GOLGA8S: variants seen among roughly 807,000 people sequenced by gnomAD.
GOLGA8S encodes the protein golgin A8 family member S, also known as golgin subfamily A member 8S.
GOLGA8S carries 23 observed loss-of-function variants against 58.9 expected under a neutral mutation model. The observed-to-expected ratio is 0.39, with a 90% confidence interval of 0.28 to 0.55. The LOEUF (loss-of-function observed/expected upper bound fraction) is 0.55. Among genes scored for constraint, GOLGA8S ranks in the 20% least tolerant of loss-of-function variants. GOLGA8S has a pLI of 0.63. For missense variants in GOLGA8S, 266 were observed against 514.2 expected (o/e 0.52, Z 4.67); for synonymous variants, 84 against 195.7 (o/e 0.43, Z 4.76).
At chr15:23,364,290 G>A (rs1438981255) in intron 15 of GOLGA8S, 53 bp from the exon 16 acceptor site, 7 of 1,593,386 alleles carry the variant, frequency 4.4e-6, no homozygotes, top group African/African-American at 2.7e-5. Flanking sequence ...ACTTGAAAAT[G>A]CCACCTGAGG....
rs1453850310 is a variant in GOLGA8S, at chr15:23,360,677, C to G, written c.787-51C>G. ...GGCAGAGAGGGAGAGGGCAGCCTGT[C>G]CAGCCTCCAGCCCCTCTCTCCAGGG... On this transcript the variant is annotated intron_variant, in intron 10 of 18. Transcript: ENST00000562295. 4.2e-6 allele frequency: 5 copies of G among 1,185,588 alleles called. 1 individual carries two copies. The highest frequency in any genetic ancestry group is 4.6e-5 in the East Asian group (2 of 43,060). 73.4% of individuals were successfully genotyped at this position (1,185,588 alleles called of 1,614,324 possible). A position where few individuals can be genotyped will look rare whatever the true frequency, so the allele number is the denominator to read the frequency against.
chr15:23,361,313 C>T lies in GOLGA8S; in HGVS notation c.967C>T (p.Gln323Ter), dbSNP rs1307879322. 2.3e-6 allele frequency: 3 copies of T among 1,306,450 alleles called. No homozygotes were observed. The highest frequency in any genetic ancestry group is 2.3e-5 in the East Asian group (1 of 43,880). 80.9% of individuals were successfully genotyped at this position (1,306,450 alleles called of 1,614,324 possible). ...ACTAGAGAGAGTGGCAGGAGCGCTC[C>T]AGGCCCAGGTGGAGTACAATCAGCG... The change falls in exon 12 of 19, where the codon CAG becomes TAG. Residue 323 changes from glutamine (Q) to a stop codon, truncating the protein, a stop_gained. Transcript: ENST00000562295. LOFTEE classifies it high-confidence loss of function.
exon 16 of GOLGA8S, chr15:23,364,391 G>C (rs149847867): frequency 0.2 from 313,780 of 1,601,236 alleles, 32,758 homozygotes; most frequent in Non-Finnish European, 0.22. Context: ...GAGTGAGCTG[G>C]TGAAGAAACA....
At chr15:23,355,266 G>A (rs1486182948) in intron 1 of GOLGA8S, among the ~76,000 whole-genome samples, 9 of 50,082 alleles carry the variant, frequency 1.8e-4, no homozygotes, top group African/African-American at 4.3e-4. Context: ...GGTGACTTTA[G>A]GCTGGTGAAT....
At chr15:23,365,607 G>A, downstream of GOLGA8S, 1 of 270,288 alleles carries the variant, frequency 3.7e-6, no homozygotes, top group Non-Finnish European at 7.1e-6. Flanking sequence ...TCAATATGTA[G>A]TTTGCCCCCA....
chr15:23,361,628 C>T, intron 12 of GOLGA8S, 96 bp from the exon 13 acceptor site: 1 of 614,032 alleles, frequency 1.6e-6, no homozygotes, highest in South Asian at 1.9e-5. Flanking sequence ...ATTTTTCTAA[C>T]CTGCCTCCAC....
At position 23,359,623 on chromosome 15, in the gene GOLGA8S, A is replaced by G. The variant is rs559512549; in HGVS notation, c.591+414A>G. On this transcript the variant is annotated intron_variant, in intron 8 of 18. Transcript: ENST00000562295. ...AAAATATGTTTGCAAGTGTTCATAA[A>G]AACTCAGGAGAGAGCAACAGGGTGG... Among the ~76,000 whole-genome samples the G allele has an allele frequency of 1.5e-3, 215 of 144,072 alleles. 10 individuals are homozygous for G. The highest frequency in any genetic ancestry group is 5.3e-3 in the African/African-American group (204 of 38,400). The allele number at this position is 144,072 out of a possible 152,430, so 94.5% of individuals were successfully genotyped here. A position where few individuals can be genotyped will look rare whatever the true frequency, so the allele number is the denominator to read the frequency against.
At chr15:23,360,794 T>A (rs746198962) in exon 11 of GOLGA8S, 3 of 1,438,566 alleles carry the variant, frequency 2.1e-6, no homozygotes, top group Non-Finnish European at 2.9e-6. Flanking sequence ...GAGGAGCTTG[T>A]CCAAACTCAA....
exon 12 of GOLGA8S, chr15:23,361,377 G>C (rs2880955): frequency 1.1e-5 from 12 of 1,101,512 alleles, no homozygotes; most frequent in Middle Eastern, 2.5e-4. Flanking sequence ...GAGAGGCTTC[G>C]GGAGCAGCAG....
In GOLGA8S at chr15:23,360,852, G is replaced by C. The variant is rs746426099; in HGVS notation, c.874+37G>C. 6.0e-5 allele frequency: 70 copies of C among 1,175,466 alleles called. 2 individuals are homozygous for C. In the Middle Eastern group the frequency reaches 6.5e-4, roughly 11 times the overall value. 72.8% of individuals were successfully genotyped at this position (1,175,466 alleles called of 1,614,324 possible). ...CTGGCGTGACCTGGCAGCAGGACTG[G>C]CATCAGAGGGCTGTGAGGGTGGCTT... On this transcript the variant is annotated intron_variant, in intron 11 of 18. Transcript: ENST00000562295.
At chr15:23,357,779 A>G (rs2069711304) in intron 4 of GOLGA8S, among the ~76,000 whole-genome samples, 160 bp downstream of exon 4, 1 of 148,778 alleles carries the variant, frequency 6.7e-6, no homozygotes, top group Admixed American at 6.7e-5. Context: ...AGCATGCAGC[A>G]TGGCTCTTTT....
At chr15:23,364,353 T>C in exon 16 of GOLGA8S, 1 of 1,602,520 alleles carries the variant, frequency 6.2e-7, no homozygotes, top group African/African-American at 1.3e-5. Flanking sequence ...AGCAGCTTTA[T>C]GGACCACCTG....
chr15:23,365,167 T>G (rs2069900217), downstream of GOLGA8S: 4 of 1,584,002 alleles, frequency 2.5e-6, no homozygotes, highest in South Asian at 4.4e-5. Context: ...GCTCAAGAAA[T>G]TTTTAAATAA....
Position 23,359,009 on chromosome 15 carries a change from G to T in GOLGA8S, c.481+5G>T, listed in dbSNP as rs2069737578. On this transcript the variant is annotated splice_donor_5th_base_variant and intron_variant, in intron 7 of 18. Coordinates refer to ENST00000562295, the Ensembl canonical transcript of GOLGA8S. Reference sequence around the variant, plus strand: ...GTTCTCTCAGATACTTTGAAGGTGGGAATCTGGGTACCCTGTCATCCTTCA... The same window carrying T: ...GTTCTCTCAGATACTTTGAAGGTGGTAATCTGGGTACCCTGTCATCCTTCA... 1.9e-6 allele frequency: 1 copy of T among 539,160 alleles called. No individual in the cohort carries two copies. The highest frequency in any genetic ancestry group is 3.2e-6 in the Non-Finnish European group (1 of 308,992). 33.4% of individuals were successfully genotyped at this position (539,160 alleles called of 1,614,324 possible).
Position 23,364,326 on chromosome 15 carries a change from C to A in GOLGA8S, c.1348-17C>A. The A allele has an allele frequency of 1.3e-6, 2 of 1,599,620 alleles. 1 individual carries two copies. The highest frequency in any genetic ancestry group is 1.7e-6 in the Non-Finnish European group (2 of 1,178,078). On this transcript the variant is annotated splice_polypyrimidine_tract_variant and intron_variant, in intron 15 of 18. Transcript: ENST00000562295. ...GCAGGTCGCTGCCGAGATGTGACTA[C>A]AATATTTTGGCTCCAGAGCAGCTTT...
chr15:23,364,448 G>A lies in GOLGA8S; in HGVS notation c.1448+5G>A. On this transcript the variant is annotated splice_donor_5th_base_variant and intron_variant, in intron 16 of 18. Coordinates refer to ENST00000562295, the Ensembl canonical transcript of GOLGA8S. ...CTGGCAAGAGAGATGCCATCAGTGA[G>A]TGGGAGGCCAGGGCACAGCAGGGGG... 1.2e-6 allele frequency: 2 copies of A among 1,605,220 alleles called. No individual in the cohort carries two copies. Among genetic ancestry groups the A allele is most frequent in the East Asian group, 2.2e-5 (1 of 44,878 alleles).
At chr15:23,363,237 G>A in exon 14 of GOLGA8S, 1 of 592,374 alleles carries the variant, frequency 1.7e-6, no homozygotes, top group Admixed American at 3.0e-5. Flanking sequence ...TCTCCCTGGG[G>A]AAGGTACGGG....
At chr15:23,360,997 G>T (rs1040395255) in intron 11 of GOLGA8S, among the ~76,000 whole-genome samples, 182 bp downstream of exon 11, 9 of 149,074 alleles carry the variant, frequency 6.0e-5, no homozygotes, top group African/African-American at 2.0e-4. Context: ...CAGCAAAGAG[G>T]GCCCGTTGTC....
intron 4 of GOLGA8S, among the ~76,000 whole-genome samples, chr15:23,358,129 C>T (rs1170600019): frequency 1.3e-5 from 2 of 152,050 alleles, no homozygotes; most frequent in African/African-American, 2.4e-5. Flanking sequence ...GTACTTGGCC[C>T]ATACGTGCTC....
Sources: gnomAD v4.1 joint callset for allele counts (sites outside exome capture counted in the v4.1 genomes callset) on GRCh38, gnomAD v4.1.1 for gene constraint, MANE v1.5 for transcripts, NCBI Gene and HGNC (gene_info 2026-07-23, HGNC 2026-07-21) for gene names.